Variants in ATF7IP observed in about 807,000 individuals in gnomAD.
The protein encoded by ATF7IP is activating transcription factor 7-interacting protein 1.
ATF7IP carries 23 observed loss-of-function variants against 106.4 expected under a neutral mutation model. The ratio of observed to expected loss-of-function variants is 0.22; its 90% CI spans 0.16 to 0.31. The LOEUF is 0.31. Among genes scored for constraint, ATF7IP ranks in the 10% least tolerant of loss-of-function variants. The pLI is 1.00. For missense variants in ATF7IP, 1,334 were observed against 1,524.3 expected, an observed-to-expected ratio of 0.88 and a Z score of 2.08; for synonymous variants, 542 against 539.0, an observed-to-expected ratio of 1.01 and a Z score of -0.08.
intron 5 of ATF7IP, among the ~76,000 whole-genome samples, chr12:14,444,702 C>T (rs761156542): frequency 4.6e-5 from 7 of 151,962 alleles, no homozygotes; most frequent in Non-Finnish European, 8.8e-5. Context: ...AAATCAGTGT[C>T]CACATTTTGA....
rs1361614098 is a variant in ATF7IP at position 14,457,267 on chromosome 12, A to G, written c.2130A>G (p.Pro710=). 8.7e-6 allele frequency: 14 copies of G among 1,612,878 alleles called. No homozygotes were observed. The Middle Eastern group carries it at 6.6e-4, about 76-fold the overall frequency. Residue 710 remains proline, a synonymous_variant, in exon 8 of 15, where the codon CCA becomes CCG. Coordinates refer to ENST00000261168, the MANE Select transcript of ATF7IP (RefSeq NM_018179.5). ...ESKRNVSESA[P]PSFQTPVNTV... ...AAAGAAATGTAAGCGAGAGTGCACC[A>G]CCATCCTTTCAAACTCCTGTGAATA...
chr12:14,475,763 G>A, intron 10 of ATF7IP, 127 bp from the exon 11 acceptor site: 2 of 627,260 alleles, frequency 3.2e-6, no homozygotes, highest in African/African-American at 1.9e-5. Flanking sequence ...TTCAGGTACA[G>A]CCATTTAAGG....
intron 1 of ATF7IP, among the ~76,000 whole-genome samples, chr12:14,377,989 T>G (rs2136404945): frequency 6.6e-6 from 1 of 152,198 alleles, no homozygotes; most frequent in South Asian, 2.1e-4. Context: ...CTGTGTAAAC[T>G]GAGTCATAAA....
At chr12:14,495,015 C>G (rs1944969757) in intron 13 of ATF7IP, among the ~76,000 whole-genome samples, 2 of 150,036 alleles carry the variant, frequency 1.3e-5, no homozygotes, top group East Asian at 4.0e-4. Flanking sequence ...AGTCCCAAAA[C>G]TGAAGAACTT....
intron 12 of ATF7IP, 144 bp from the exon 13 acceptor site, chr12:14,480,859 T>G: frequency 1.4e-6 from 1 of 690,790 alleles, no homozygotes. Flanking sequence ...ATTTTTATCT[T>G]AGAAGATCAT....
chr12:14,388,450 G>A (rs1026949942), intron 1 of ATF7IP, among the ~76,000 whole-genome samples: 1 of 145,084 alleles, frequency 6.9e-6, no homozygotes, highest in Non-Finnish European at 1.5e-5. Context: ...AGGTTCAAGT[G>A]ATTCTCCTGC....
chr12:14,484,863 A>C (rs1477650339), intron 13 of ATF7IP, among the ~76,000 whole-genome samples: 1 of 152,192 alleles, frequency 6.6e-6, no homozygotes, highest in Non-Finnish European at 1.5e-5. Flanking sequence ...CTTTATGGCT[A>C]AATGGGTCAG....
At position 14,424,838 on chromosome 12, in the gene ATF7IP, C is replaced by G. The variant is rs368557002; in HGVS notation, c.923C>G (p.Pro308Arg). 83 of 1,612,864 alleles carry G rather than the reference C, an allele frequency of 5.1e-5. No homozygotes were observed. In the African/African-American group the frequency reaches 9.6e-4, roughly 19 times the overall value. The change falls in exon 2 of 15, where the codon CCA becomes CGA. Residue 308 changes from proline to arginine, a missense_variant. By Grantham distance (103) the Pro-to-Arg change is moderately radical (BLOSUM62 -2). Transcript: ENST00000261168. Reference protein sequence around the residue: ...EPVPEIDNIEPSSNKDDDFLE... With the variant: ...EPVPEIDNIERSSNKDDDFLE... Reference sequence around the variant, plus strand: ...GTTCCTGAAATTGACAATATAGAACCAAGTAGCAATAAAGATGATGATTTT... The same window carrying G: ...GTTCCTGAAATTGACAATATAGAACGAAGTAGCAATAAAGATGATGATTTT...
At chr12:14,401,143 A>G (rs542570054) in intron 1 of ATF7IP, among the ~76,000 whole-genome samples, 13 of 152,040 alleles carry the variant, frequency 8.6e-5, no homozygotes, top group Admixed American at 1.3e-4. Context: ...TGCTATTTTG[A>G]TAGATTTTCC....
At chr12:14,412,826 C>T (rs1249340435) in intron 1 of ATF7IP, among the ~76,000 whole-genome samples, 2 of 151,996 alleles carry the variant, frequency 1.3e-5, no homozygotes, top group African/African-American at 2.4e-5. Context: ...CCAGCCTGGC[C>T]AACATGGTGA....
At position 14,447,026 on chromosome 12, in the gene ATF7IP, C is replaced by T. The variant is rs1283862629; in HGVS notation, c.1968C>T (p.Ala656=). The T allele has an allele frequency of 6.3e-7, 1 of 1,583,252 alleles. No individual in the cohort carries two copies. Among genetic ancestry groups the T allele is most frequent in the Non-Finnish European group, 8.6e-7 (1 of 1,167,928 alleles). Residue 656 remains alanine (A), a synonymous_variant, in exon 6 of 15, where the codon GCC becomes GCT. Transcript: ENST00000261168. Reference sequence around the variant, plus strand: ...GGTTAACCAAACGCTTTGAAGCAGCCAAAGAAGATCTTAAGAAAAGACATG... The same window carrying T: ...GGTTAACCAAACGCTTTGAAGCAGCTAAAGAAGATCTTAAGAAAAGACATG... The part of the protein sequence containing the change: ...IARLTKRFEA[A]KEDLKKRHEH...
chr12:14,393,227 A>C (rs1056606303), intron 1 of ATF7IP, among the ~76,000 whole-genome samples: 4 of 152,184 alleles, frequency 2.6e-5, no homozygotes, highest in African/African-American at 9.6e-5. Context: ...AACAAAATTA[A>C]AACTGTAAGG....
intron 1 of ATF7IP, among the ~76,000 whole-genome samples, chr12:14,368,438 A>G (rs561371040): frequency 1.0e-3 from 156 of 152,164 alleles, no homozygotes; most frequent in Middle Eastern, 3.6e-3. Flanking sequence ...GTTATCTCTA[A>G]GAAGAATTTA....
intron 1 of ATF7IP, among the ~76,000 whole-genome samples, chr12:14,385,730 CAATAT>C (rs1479918132): frequency 6.6e-6 from 1 of 151,770 alleles, no homozygotes; most frequent in Non-Finnish European, 1.5e-5. Flanking sequence ...GAAATTAAAA[CAATAT>C]ATTATCTGAA....
chr12:14,403,763 C>G (rs1451268929), intron 1 of ATF7IP, among the ~76,000 whole-genome samples: 1 of 152,154 alleles, frequency 6.6e-6, no homozygotes, highest in Non-Finnish European at 1.5e-5. Flanking sequence ...TTCTCCCCTG[C>G]TTCTCTCTCT....
At chr12:14,477,707 A>G (rs939092199) in intron 11 of ATF7IP, among the ~76,000 whole-genome samples, 8 of 152,176 alleles carry the variant, frequency 5.3e-5, no homozygotes, top group African/African-American at 1.7e-4. Flanking sequence ...GTGGAATTCT[A>G]TAGGACAGAA....
At chr12:14,390,182 A>G (rs1456706822) in intron 1 of ATF7IP, among the ~76,000 whole-genome samples, 1 of 152,230 alleles carries the variant, frequency 6.6e-6, no homozygotes, top group Non-Finnish European at 1.5e-5. Flanking sequence ...GCAGCCTTAA[A>G]TATCTAAAAT....
At chr12:14,489,159 T>G (rs890691027) in intron 13 of ATF7IP, among the ~76,000 whole-genome samples, 3 of 152,168 alleles carry the variant, frequency 2.0e-5, no homozygotes, top group African/African-American at 7.2e-5. Flanking sequence ...CTGTTATAGT[T>G]TCCTGTTGAC....
intron 5 of ATF7IP, among the ~76,000 whole-genome samples, chr12:14,445,545 A>C (rs1020545256): frequency 1.3e-5 from 2 of 152,130 alleles, no homozygotes; most frequent in Admixed American, 6.5e-5. Context: ...CAGAAAGGTA[A>C]ATCCATGTTA....
Sources: allele counts gnomAD v4.1 joint callset (sites outside exome capture counted in the v4.1 genomes callset), GRCh38; gene constraint gnomAD v4.1.1; transcripts MANE v1.5; gene names NCBI Gene and HGNC (gene_info 2026-07-23, HGNC 2026-07-21).